HIVEP3: variants seen among roughly 807,000 people sequenced by gnomAD.
HIVEP3 encodes transcription factor HIVEP3.
A neutral mutation model predicts 152.8 loss-of-function variants in HIVEP3; 49 were observed. That is an observed-to-expected ratio of 0.32 (90% confidence interval 0.26 to 0.41). The LOEUF is 0.41. Among genes scored for constraint, HIVEP3 ranks in the 10% least tolerant of loss-of-function variants. The pLI is 1.00. For missense variants in HIVEP3, 2,790 were observed against 3,103.3 expected (o/e 0.90, Z 2.40); for synonymous variants, 1,269 against 1,289.0 (o/e 0.98, Z 0.33).
intron 1 of HIVEP3, among the ~76,000 whole-genome samples, chr1:41,730,605 G>A (rs943014319): frequency 3.9e-5 from 6 of 152,240 alleles, no homozygotes; most frequent in East Asian, 3.8e-4. Flanking sequence ...CACCAGGGGC[G>A]CCAGGGTGCA....
intron 3 of HIVEP3, among the ~76,000 whole-genome samples, chr1:41,617,943 A>G (rs1644992466): frequency 6.6e-6 from 1 of 152,216 alleles, no homozygotes; most frequent in Admixed American, 6.5e-5. Context: ...CCAGGCTCAC[A>G]TGTCATTGGG....
intron 1 of HIVEP3, among the ~76,000 whole-genome samples, chr1:41,789,439 C>T (rs1282243176): frequency 6.6e-6 from 1 of 152,164 alleles, no homozygotes; most frequent in Non-Finnish European, 1.5e-5. Context: ...ATTTTATTTG[C>T]AGCTGTGAGT....
chr1:41,775,193 C>T (rs773081601), intron 1 of HIVEP3, among the ~76,000 whole-genome samples: 6 of 152,130 alleles, frequency 3.9e-5, no homozygotes, highest in Non-Finnish European at 8.8e-5. Flanking sequence ...TTGAAACAAA[C>T]TCCCTCCCTC....
chr1:41,522,367 G>A (rs1642781352), intron 6 of HIVEP3, among the ~76,000 whole-genome samples: 1 of 152,208 alleles, frequency 6.6e-6, no homozygotes, highest in Non-Finnish European at 1.5e-5. Flanking sequence ...TAGTCAAACA[G>A]TTTCAGATTC....
At chr1:41,645,492 G>A (rs1284438478) in intron 2 of HIVEP3, among the ~76,000 whole-genome samples, 1 of 152,194 alleles carries the variant, frequency 6.6e-6, no homozygotes, top group Admixed American at 6.5e-5. Flanking sequence ...AGTCTCCACA[G>A]TAGGTCCTCC....
intron 1 of HIVEP3, among the ~76,000 whole-genome samples, chr1:41,835,310 C>A (rs554641021): frequency 2.1e-4 from 32 of 152,294 alleles, no homozygotes; most frequent in African/African-American, 7.2e-4. Context: ...AATTAGGTTT[C>A]TGGTGAGGGC....
At chr1:41,526,971 CTCA>C (rs1558028594) in intron 5 of HIVEP3, among the ~76,000 whole-genome samples, 1 of 84,724 alleles carries the variant, frequency 1.2e-5, no homozygotes, top group Non-Finnish European at 2.4e-5. Flanking sequence ...CATCCTCACA[CTCA>C]CCTTCACACT....
intron 1 of HIVEP3, among the ~76,000 whole-genome samples, chr1:41,839,806 G>A (rs1643234201): frequency 6.6e-6 from 1 of 152,158 alleles, no homozygotes; most frequent in South Asian, 2.1e-4. Flanking sequence ...GCTTAGCCTT[G>A]TAAGCCCCCG....
rs1644400202 is a variant in HIVEP3 at position 41,581,189 on chromosome 1, G to T, written c.3609C>A (p.Leu1203=). The T allele has an allele frequency of 6.4e-7, 1 of 1,551,606 alleles. No individual in the cohort carries two copies. Among genetic ancestry groups the T allele is most frequent in the Non-Finnish European group, 8.7e-7 (1 of 1,149,240 alleles). The change falls in exon 4 of 9, where the codon CTC becomes CTA. Residue 1203 remains leucine, a synonymous_variant. Coordinates refer to ENST00000372583, the MANE Select transcript of HIVEP3 (RefSeq NM_024503.5). This position sits in a 1 kb window ranked among gnomAD's most constrained non-coding sequence, Gnocchi z 4.5. ...GGTGAGGCATGAGCTGGGGGAGATG[G>T]AGTTGGCCTGGGTGCAGAACAGTAG... ...LQPTVLHPGQ[L]HLPQLMPHPA...
In HIVEP3 at chr1:41,510,720, G is replaced by A. The variant is rs868429053; in HGVS notation, c.6952C>T (p.Pro2318Ser). ...TGCGCTGCCCGGCGTCCCTGGGGCG[G>A]CCGGGGCAAGGTGTCGGGTGGGGTG... ...PCTPPDTLPR[P>S]PQGRRAAQSW... Residue 2318 changes from proline to serine, a missense_variant, in exon 9 of 9, where the codon CCG (proline) becomes TCG (serine). Transcript: ENST00000372583. 2 of 1,537,178 alleles carry A rather than the reference G, an allele frequency of 1.3e-6. No homozygotes were observed. The highest frequency in any genetic ancestry group is 1.4e-5 in the African/African-American group (1 of 73,296).
chr1:41,886,241 T>C (rs1396981334), intron 1 of HIVEP3, among the ~76,000 whole-genome samples: 1 of 152,084 alleles, frequency 6.6e-6, no homozygotes, highest in East Asian at 1.9e-4. Context: ...AAATTTAGTT[T>C]GGGTGTAGTG....
intron 1 of HIVEP3, among the ~76,000 whole-genome samples, chr1:41,725,584 C>A (rs774950038): frequency 6.6e-6 from 1 of 152,184 alleles, no homozygotes; most frequent in Non-Finnish European, 1.5e-5. Flanking sequence ...ATGAAAGGCC[C>A]AGACACATAG....
chr1:41,526,989 A>C, intron 5 of HIVEP3, among the ~76,000 whole-genome samples: 3 of 70,724 alleles, frequency 4.2e-5, no homozygotes, highest in East Asian at 8.2e-4. Flanking sequence ...CACACTCCAC[A>C]CCCCTGCACT....
chr1:41,913,509 G>A (rs935661514), intron 1 of HIVEP3, among the ~76,000 whole-genome samples: 3 of 152,246 alleles, frequency 2.0e-5, no homozygotes, highest in African/African-American at 4.8e-5. Context: ...AGATCCTCCC[G>A]CCTCTGTCTC....
At chr1:41,909,994 C>T (rs1003719186) in intron 1 of HIVEP3, among the ~76,000 whole-genome samples, 1 of 151,272 alleles carries the variant, frequency 6.6e-6, no homozygotes, top group Non-Finnish European at 1.5e-5. Flanking sequence ...GGGAAAAAAG[C>T]CTGAAAATTA....
intron 1 of HIVEP3, among the ~76,000 whole-genome samples, chr1:41,844,766 A>T (rs1643389051): frequency 6.6e-6 from 1 of 152,258 alleles, no homozygotes; most frequent in Non-Finnish European, 1.5e-5. Context: ...TCCAAAGCAT[A>T]GAATTATCTT....
chr1:41,513,462 T>TCCGAGA lies in HIVEP3; in HGVS notation c.5753_5758dup (p.Val1918_Ser1919dup), dbSNP rs1220673420. ...GCTGCTGGCTGTCAGGCGCTCAGCTTCCGAGACCGAGCTGCCTCGTGTAGC... is the reference window on the plus strand; with the variant it reads ...GCTGCTGGCTGTCAGGCGCTCAGCTTCCGAGACCGAGACCGAGCTGCCTCGTGTAGC... On this transcript the variant is annotated inframe_insertion, in exon 8 of 9. Coordinates refer to ENST00000372583, the MANE Select transcript of HIVEP3 (RefSeq NM_024503.5). 1 of 1,611,390 alleles carries TCCGAGA rather than the reference T, an allele frequency of 6.2e-7. No individual in the cohort carries two copies. The highest frequency in any genetic ancestry group is 8.5e-7 in the Non-Finnish European group (1 of 1,179,602).
chr1:41,705,477 A>T (rs1646419297), intron 1 of HIVEP3, among the ~76,000 whole-genome samples: 1 of 152,162 alleles, frequency 6.6e-6, no homozygotes, highest in African/African-American at 2.4e-5. Context: ...AAACCCAGAA[A>T]CATGTTTGCT....
chr1:41,592,442 T>C (rs1644601309), intron 3 of HIVEP3, among the ~76,000 whole-genome samples: 1 of 152,238 alleles, frequency 6.6e-6, no homozygotes, highest in African/African-American at 2.4e-5. Flanking sequence ...ATTTCCTAGT[T>C]TGCTCAGGCT....
Sources: allele counts gnomAD v4.1 joint callset (sites outside exome capture counted in the v4.1 genomes callset), GRCh38; gene constraint gnomAD v4.1.1; non-coding constraint Gnocchi (gnomAD v3.1); transcripts MANE v1.5; gene names NCBI Gene and HGNC (gene_info 2026-07-23, HGNC 2026-07-21).